FOXN1: variants seen among roughly 807,000 people sequenced by gnomAD.
FOXN1 encodes the protein forkhead box N1, also known as forkhead box protein N1.
FOXN1 carries 15 observed loss-of-function variants against 49.0 expected under a neutral mutation model. The observed-to-expected ratio is 0.31, with a 90% confidence interval of 0.20 to 0.47. The LOEUF (loss-of-function observed/expected upper bound fraction) is 0.47, where lower values mean the gene tolerates loss of function less well. FOXN1 is among the 20% of genes least tolerant of loss of function. The pLI is 1.00. For missense variants in FOXN1, 800 were observed against 842.8 expected, an observed-to-expected ratio of 0.95 and a Z score of 0.63; for synonymous variants, 356 against 369.0, an observed-to-expected ratio of 0.96 and a Z score of 0.40.
intron 6 of FOXN1, among the ~76,000 whole-genome samples, chr17:28,532,430 G>C (rs886288412): frequency 6.6e-6 from 1 of 152,208 alleles, no homozygotes; most frequent in Non-Finnish European, 1.5e-5. Context: ...CCCTTAGCTG[G>C]GGGACAGAGT....
At chr17:28,523,310 G>T (rs2069679408) in intron 1 of FOXN1, among the ~76,000 whole-genome samples, 1 of 152,182 alleles carries the variant, frequency 6.6e-6, no homozygotes, top group Non-Finnish European at 1.5e-5. Context: ...ACATCGTCAG[G>T]GCCCGCTGGG....
At chr17:28,521,419 T>C (rs1172621746) in intron 1 of FOXN1, among the ~76,000 whole-genome samples, 1 of 152,234 alleles carries the variant, frequency 6.6e-6, no homozygotes, top group Non-Finnish European at 1.5e-5. Context: ...AAGGCAGCTC[T>C]GGGCCGGGGT....
At chr17:28,531,026 C>T (rs370997606) in intron 6 of FOXN1, among the ~76,000 whole-genome samples, 181 bp downstream of exon 6, 10 of 152,210 alleles carry the variant, frequency 6.6e-5, no homozygotes, top group African/African-American at 2.2e-4. Context: ...ACAAAAGGTG[C>T]TCCAAGTGGG....
chr17:28,508,025 C>G (rs1407044164), intron 1 of FOXN1, among the ~76,000 whole-genome samples: 1 of 152,178 alleles, frequency 6.6e-6, no homozygotes, highest in African/African-American at 2.4e-5. Context: ...CCAGCCCCGC[C>G]CCGCCCGCGC....
chr17:28,537,737 G>T lies in FOXN1; in HGVS notation c.*301G>T. ...CACACTCATCCACACTTAAGCCCTCGTGCACACACACAAATTATTCAGATG... is the reference window on the plus strand; with the variant it reads ...CACACTCATCCACACTTAAGCCCTCTTGCACACACACAAATTATTCAGATG... On this transcript the variant is annotated 3_prime_UTR_variant, in exon 9 of 9. Transcript: ENST00000579795. 3.9e-6 allele frequency: 2 copies of T among 519,242 alleles called. No individual in the cohort carries two copies. Among genetic ancestry groups the T allele is most frequent in the Non-Finnish European group, 7.0e-6 (2 of 283,772 alleles). The allele number at this position is 519,242 out of a possible 1,614,324, so 32.2% of individuals were successfully genotyped here.
intron 1 of FOXN1, among the ~76,000 whole-genome samples, chr17:28,522,077 G>A (rs1266890069): frequency 2.6e-5 from 4 of 152,202 alleles, no homozygotes; most frequent in Non-Finnish European, 2.9e-5. Context: ...GTCTGCAGTC[G>A]GACAGACCAG....
In FOXN1 at chr17:28,537,237, CT is replaced by C. The variant is rs773519376; in HGVS notation, c.1749del (p.Cys586ValfsTer2). 6.6e-5 allele frequency: 107 copies of C among 1,614,088 alleles called. No homozygotes were observed. Among genetic ancestry groups the C allele is most frequent in the African/African-American group, 2.0e-4 (15 of 75,068 alleles). ...PPQPPPHCFPPGPCLTETGSG... is the reference protein window; with the variant it reads ...PPQPPPHCFPXGPCLTETGSG... ...CAGCCACCACCTCACTGCTTCCCCC[CT>C]GGGCCCTGTCTGACAGAGACAGGCA... On this transcript the variant is annotated frameshift_variant, in exon 9 of 9. Coordinates refer to ENST00000579795, the MANE Select transcript of FOXN1 (RefSeq NM_001369369.1). LOFTEE classifies it high-confidence loss of function.
intron 6 of FOXN1, among the ~76,000 whole-genome samples, chr17:28,531,442 C>T (rs563742210): frequency 1.2e-3 from 177 of 152,232 alleles, no homozygotes; most frequent in Non-Finnish European, 2.0e-3. Flanking sequence ...TCACAGAAGG[C>T]GCTTCTGGGA....
At chr17:28,533,356 G>A (rs1441201196) in intron 6 of FOXN1, among the ~76,000 whole-genome samples, 8 of 151,996 alleles carry the variant, frequency 5.3e-5, no homozygotes, top group Non-Finnish European at 1.5e-5. Flanking sequence ...GGGGCCCACT[G>A]GCACTCCCGC....
intron 1 of FOXN1, among the ~76,000 whole-genome samples, chr17:28,517,279 G>T (rs560918643): frequency 6.2e-4 from 87 of 141,268 alleles, no homozygotes; most frequent in African/African-American, 2.3e-3. Flanking sequence ...CCTCCACAGG[G>T]TACACACCTC....
intron 4 of FOXN1, among the ~76,000 whole-genome samples, chr17:28,528,803 C>G (rs1280122780): frequency 6.6e-6 from 1 of 152,222 alleles, no homozygotes; most frequent in Non-Finnish European, 1.5e-5. Flanking sequence ...GAGGGCTTCA[C>G]TTCATACTCT....
rs771191077 is a variant in FOXN1 at position 28,524,515 on chromosome 17, T to G, written c.136T>G (p.Phe46Val). The stretch of plus-strand genomic sequence containing the variant: ...TCTGTCTACCCAGAAGCATGCCGGC[T>G]TCAGCTGCTCGTCATTTGTGTCCGA... ...SPAPQSKHAG[F>V]SCSSFVSDGP... The change falls in exon 3 of 9, where the codon TTC (phenylalanine) becomes GTC (valine). Residue 46 changes from phenylalanine (F) to valine (V), a missense_variant. Physicochemically the swap from Phe to Val is conservative, Grantham distance 50. Around this residue, in one of 3 missense-constraint regions of FOXN1, gnomAD observed 383 missense variants for 357.9 expected, o/e 1.07. Coordinates refer to ENST00000579795, the MANE Select transcript of FOXN1 (RefSeq NM_001369369.1). The G allele has an allele frequency of 6.2e-7, 1 of 1,613,600 alleles. No homozygotes were observed. Among genetic ancestry groups the G allele is most frequent in the Non-Finnish European group, 8.5e-7 (1 of 1,179,982 alleles).
rs537692669 is a variant in FOXN1 at position 28,508,005 on chromosome 17, G to A, written c.-15+1562G>A. Among the ~76,000 whole-genome samples, 600 of 152,184 alleles carry A rather than the reference G, an allele frequency of 3.9e-3. 3 individuals carry two copies. Among genetic ancestry groups the A allele is most frequent in the Middle Eastern group, 6.8e-3 (2 of 294 alleles). ...CACAGGGAGAGGCGCATGTCCTCCC[G>A]GCTCCCCGCCCAGCCCCGCCCCGCC... On this transcript the variant is annotated intron_variant, in intron 1 of 8. Coordinates refer to ENST00000579795, the MANE Select transcript of FOXN1 (RefSeq NM_001369369.1).
chr17:28,534,652 G>A lies in FOXN1; in HGVS notation c.1136-55G>A. 2.5e-6 allele frequency: 4 copies of A among 1,611,656 alleles called. No homozygotes were observed. The highest frequency in any genetic ancestry group is 1.7e-5 in the Admixed American group (1 of 59,836). ...CCCCGAGTAAGGGTTCCAGTCTGGGGAAGACTGTGGAGGAGGGAGGTCTCA... is the reference window on the plus strand; with the variant it reads ...CCCCGAGTAAGGGTTCCAGTCTGGGAAAGACTGTGGAGGAGGGAGGTCTCA... On this transcript the variant is annotated intron_variant, in intron 7 of 8. Coordinates refer to ENST00000579795, the MANE Select transcript of FOXN1 (RefSeq NM_001369369.1). This position sits in a 1 kb window ranked among gnomAD's most constrained non-coding sequence, Gnocchi z 4.1.
At position 28,534,980 on chromosome 17, in the gene FOXN1, C is replaced by T. The variant is rs754364565; in HGVS notation, c.1409C>T (p.Pro470Leu). 3 of 1,613,932 alleles carry T rather than the reference C, an allele frequency of 1.9e-6. No individual in the cohort carries two copies. The highest frequency in any genetic ancestry group is 2.5e-6 in the Non-Finnish European group (3 of 1,179,968). ...CTGGCCCCTCCTGGACCCCCGCAGC[C>T]ATTGTTCCCACAGCCGGACGGGCAC... ...PGLAPPGPPQ[P>L]LFPQPDGHLE... Residue 470 changes from proline (P) to leucine (L), a missense_variant, in exon 8 of 9, where the codon CCA becomes CTA. By Grantham distance (98) the Pro-to-Leu change is moderately conservative. This residue lies in a region of FOXN1 where 344 missense variants were observed against 366.1 expected (regional missense o/e 0.94). Transcript: ENST00000579795. This position sits in a 1 kb window ranked among gnomAD's most constrained non-coding sequence, Gnocchi z 4.1.
At position 28,521,861 on chromosome 17, in the gene FOXN1, C is replaced by T. The variant is rs554622791; in HGVS notation, c.-14-2095C>T. On this transcript the variant is annotated intron_variant, in intron 1 of 8. Coordinates refer to ENST00000579795, the MANE Select transcript of FOXN1 (RefSeq NM_001369369.1). ...TGTGCCAACCCCAGCCTGGGTACCACGGGGCCAATGAGGCCACCTCTCCCT... is the reference window on the plus strand; with the variant it reads ...TGTGCCAACCCCAGCCTGGGTACCATGGGGCCAATGAGGCCACCTCTCCCT... 5.3e-5 allele frequency among the ~76,000 whole-genome samples: 8 copies of T among 152,378 alleles called. No individual in the cohort carries two copies. In the South Asian group the frequency reaches 6.2e-4, roughly 12 times the overall value.
At chr17:28,532,848 C>A (rs1352107098) in intron 6 of FOXN1, among the ~76,000 whole-genome samples, 1 of 152,174 alleles carries the variant, frequency 6.6e-6, no homozygotes, top group East Asian at 1.9e-4. Context: ...CCCTGGCATC[C>A]CAAAGTCACA....
At chr17:28,512,081 G>C (rs2069407571) in intron 1 of FOXN1, among the ~76,000 whole-genome samples, 1 of 152,164 alleles carries the variant, frequency 6.6e-6, no homozygotes, top group Non-Finnish European at 1.5e-5. Context: ...AGTGCTTAGA[G>C]GTCAGCCACT....
intron 1 of FOXN1, among the ~76,000 whole-genome samples, chr17:28,508,044 C>A (rs1477439180): frequency 3.3e-5 from 5 of 152,110 alleles, no homozygotes; most frequent in African/African-American, 9.7e-5. Context: ...GCTGCCTGTG[C>A]GAGCTCAGCT....
Sources: gnomAD v4.1 joint callset for allele counts (sites outside exome capture counted in the v4.1 genomes callset) on GRCh38, gnomAD v4.1.1 for gene constraint, gnomAD v4.1.1 regional missense constraint, Gnocchi (gnomAD v3.1) non-coding constraint, MANE v1.5 for transcripts, NCBI Gene and HGNC (gene_info 2026-07-23, HGNC 2026-07-21) for gene names.